Variants in MAML2 observed in about 807,000 individuals in gnomAD.
MAML2 encodes the protein mastermind like transcriptional coactivator 2.
Under a neutral mutation model 96.1 loss-of-function variants are expected in MAML2, and 22 were observed. The observed-to-expected ratio is 0.23, with a 90% CI of 0.16 to 0.33. The LOEUF is 0.33. Ranked by LOEUF, MAML2 falls within the 10% of genes least tolerant of loss-of-function variation. The probability of loss-of-function intolerance (pLI) is 1.00; values close to 1 mark genes in which losing one functional copy is unlikely to be tolerated. For synonymous variants in MAML2, 561 were observed against 521.3 expected, an observed-to-expected ratio of 1.08 and a Z score of -1.04; for missense variants, 1,367 against 1,392.4, an observed-to-expected ratio of 0.98 and a Z score of 0.29.
At chr11:96,215,254 T>C (rs767644155) in intron 1 of MAML2, among the ~76,000 whole-genome samples, 8 of 152,318 alleles carry the variant, frequency 5.3e-5, no homozygotes, top group Non-Finnish European at 8.8e-5. Flanking sequence ...GTATGCCCCT[T>C]GAAATGCTGG....
At chr11:96,036,254 G>A (rs1311189893) in intron 2 of MAML2, among the ~76,000 whole-genome samples, 1 of 152,132 alleles carries the variant, frequency 6.6e-6, no homozygotes, top group African/African-American at 2.4e-5. Context: ...AAAGCCGGGG[G>A]TAAGATATAG....
intron 1 of MAML2, among the ~76,000 whole-genome samples, chr11:96,301,934 T>C (rs763037014): frequency 6.6e-6 from 1 of 152,234 alleles, no homozygotes; most frequent in Non-Finnish European, 1.5e-5. Flanking sequence ...AGATTAACAT[T>C]GAAGAGCTAT....
At chr11:96,218,798 A>T (rs887977800) in intron 1 of MAML2, among the ~76,000 whole-genome samples, 1 of 152,226 alleles carries the variant, frequency 6.6e-6, no homozygotes, top group Non-Finnish European at 1.5e-5. Context: ...ATAACAAATA[A>T]GTTTTTAAAA....
chr11:96,018,268 G>A (rs1022859703), intron 2 of MAML2, among the ~76,000 whole-genome samples: 4 of 152,194 alleles, frequency 2.6e-5, no homozygotes, highest in Admixed American at 2.6e-4. Context: ...CCTGGGATAT[G>A]TCAAGTTTGA....
chr11:96,175,582 C>CTTTTG (rs1345547394), intron 1 of MAML2, among the ~76,000 whole-genome samples: 2 of 151,916 alleles, frequency 1.3e-5, no homozygotes, highest in South Asian at 2.1e-4. Flanking sequence ...AATCTCAGTT[C>CTTTTG]TTTTGTTTTG....
intron 1 of MAML2, among the ~76,000 whole-genome samples, chr11:96,094,189 T>A (rs1368272556): frequency 6.6e-6 from 1 of 152,228 alleles, no homozygotes; most frequent in African/African-American, 2.4e-5. Flanking sequence ...TCATATGAGA[T>A]ACTTTAAGCA....
At chr11:96,284,507 C>A (rs1863112572) in intron 1 of MAML2, among the ~76,000 whole-genome samples, 1 of 152,128 alleles carries the variant, frequency 6.6e-6, no homozygotes, top group Non-Finnish European at 1.5e-5. Context: ...CTCTTTTCCA[C>A]AGGTGAGATT....
intron 2 of MAML2, among the ~76,000 whole-genome samples, chr11:95,991,990 G>T (rs926717165): frequency 6.6e-6 from 1 of 152,158 alleles, no homozygotes; most frequent in African/African-American, 2.4e-5. Context: ...ATTCCAGAAG[G>T]TGTTTATGGA....
chr11:96,077,215 C>CTTTTTT (rs1565207022), intron 2 of MAML2, among the ~76,000 whole-genome samples: 11 of 61,808 alleles, frequency 1.8e-4, no homozygotes, highest in African/African-American at 6.9e-4. Flanking sequence ...CCAACTCTCT[C>CTTTTTT]TCTCTTTTTT....
At chr11:96,063,534 A>G (rs917310015) in intron 2 of MAML2, among the ~76,000 whole-genome samples, 1 of 152,204 alleles carries the variant, frequency 6.6e-6, no homozygotes, top group Non-Finnish European at 1.5e-5. Flanking sequence ...CATGTTAAAT[A>G]CTTTATACAC....
chr11:96,030,232 T>TAA (rs61022431), intron 2 of MAML2, among the ~76,000 whole-genome samples: 4 of 136,596 alleles, frequency 2.9e-5, no homozygotes, highest in South Asian at 2.3e-4. Context: ...TGAGACTCCA[T>TAA]AAAAAAAAAA....
chr11:96,154,521 G>C (rs1044518412), intron 1 of MAML2, among the ~76,000 whole-genome samples: 1 of 152,158 alleles, frequency 6.6e-6, no homozygotes, highest in Non-Finnish European at 1.5e-5. Context: ...TCTTATCAGT[G>C]CTTATCCTGA....
chr11:96,177,897 GA>G (rs1861411239), intron 1 of MAML2, among the ~76,000 whole-genome samples: 3 of 147,822 alleles, frequency 2.0e-5, no homozygotes, highest in Admixed American at 6.8e-5. Context: ...AGAAAAAATT[GA>G]ATATCTGGAG....
At chr11:96,314,382 T>A (rs1863599126) in intron 1 of MAML2, among the ~76,000 whole-genome samples, 1 of 152,224 alleles carries the variant, frequency 6.6e-6, no homozygotes, top group African/African-American at 2.4e-5. Context: ...TAGTTTGGAA[T>A]CATTTTAAGT....
intron 1 of MAML2, among the ~76,000 whole-genome samples, chr11:96,253,606 T>A (rs2135968362): frequency 6.6e-6 from 1 of 152,334 alleles, no homozygotes; most frequent in East Asian, 1.9e-4. Flanking sequence ...GATCGACCAC[T>A]AAAATCTTCT....
At chr11:96,134,049 T>G (rs1383050411) in intron 1 of MAML2, among the ~76,000 whole-genome samples, 1 of 152,138 alleles carries the variant, frequency 6.6e-6, no homozygotes, top group African/African-American at 2.4e-5. Flanking sequence ...AGTTTATAAT[T>G]AGACATTGCT....
chr11:96,303,260 C>T (rs1417344366), intron 1 of MAML2, among the ~76,000 whole-genome samples: 1 of 152,220 alleles, frequency 6.6e-6, no homozygotes, highest in East Asian at 1.9e-4. Flanking sequence ...CACTCTGAAT[C>T]ATTTCCTCAA....
At chr11:96,134,951 G>T (rs1418187246) in intron 1 of MAML2, among the ~76,000 whole-genome samples, 1 of 152,218 alleles carries the variant, frequency 6.6e-6, no homozygotes, top group Non-Finnish European at 1.5e-5. Context: ...CAGAAGTAGG[G>T]ATGATAATAA....
At chr11:96,305,172 A>G (rs1863447028) in intron 1 of MAML2, among the ~76,000 whole-genome samples, 1 of 152,232 alleles carries the variant, frequency 6.6e-6, no homozygotes, top group Non-Finnish European at 1.5e-5. Flanking sequence ...GGAAACAGTA[A>G]AAAGATCAGT....
Sources: allele counts gnomAD v4.1 joint callset (sites outside exome capture counted in the v4.1 genomes callset), GRCh38; gene constraint gnomAD v4.1.1; transcripts MANE v1.5; gene names NCBI Gene and HGNC (gene_info 2026-07-23, HGNC 2026-07-21).